The following MFHAS1 variants were observed in gnomAD, a reference collection of about 807,000 sequenced individuals.
The protein encoded by MFHAS1 is malignant fibrous histiocytoma-amplified sequence 1.
MFHAS1 carries 50 observed loss-of-function variants against 70.4 expected under a neutral mutation model. The ratio of observed to expected loss-of-function variants is 0.71; its 90% CI spans 0.57 to 0.90. The LOEUF is 0.90. Ranked by LOEUF, MFHAS1 falls within the 40% of genes least tolerant of loss-of-function variation. The pLI, the probability that MFHAS1 is intolerant of heterozygous loss-of-function variation, is 0.00. For missense variants in MFHAS1, 1,795 were observed against 1,347.6 expected, an observed-to-expected ratio of 1.33 and a Z score of -5.20; for synonymous variants, 952 against 620.0, an observed-to-expected ratio of 1.54 and a Z score of -7.96.
chr8:8,834,348 G>A (rs2116841090), intron 1 of MFHAS1, among the ~76,000 whole-genome samples: 1 of 152,246 alleles, frequency 6.6e-6, no homozygotes, highest in South Asian at 2.1e-4. Context: ...CTACAGTAAT[G>A]TGCAGTAATG....
intron 1 of MFHAS1, among the ~76,000 whole-genome samples, chr8:8,809,521 G>A (rs1018037137): frequency 2.6e-5 from 4 of 152,138 alleles, no homozygotes; most frequent in Admixed American, 6.5e-5. Context: ...GCCTCTTCCC[G>A]CCACTCACTC....
chr8:8,886,209 G>A (rs1444612280), intron 1 of MFHAS1, among the ~76,000 whole-genome samples: 2 of 151,504 alleles, frequency 1.3e-5, no homozygotes, highest in African/African-American at 4.9e-5. Flanking sequence ...TTAAGAGACA[G>A]GGTCAGAGTG....
chr8:8,803,049 T>C (rs1299408896), intron 1 of MFHAS1, among the ~76,000 whole-genome samples: 1 of 152,094 alleles, frequency 6.6e-6, no homozygotes, highest in African/African-American at 2.4e-5. Context: ...CCACATATAC[T>C]CTTAAGGGGT....
chr8:8,841,952 A>G (rs1228090137), intron 1 of MFHAS1, among the ~76,000 whole-genome samples: 1 of 152,128 alleles, frequency 6.6e-6, no homozygotes, highest in Admixed American at 6.5e-5. Context: ...AGAAATAAAA[A>G]CCCCTACTCA....
At chr8:8,830,665 TGA>T (rs1807352103) in intron 1 of MFHAS1, among the ~76,000 whole-genome samples, 3 of 152,222 alleles carry the variant, frequency 2.0e-5, no homozygotes, top group Non-Finnish European at 2.9e-5. Context: ...TGCAGTGGTG[TGA>T]TCTTGGCTCA....
intron 1 of MFHAS1, among the ~76,000 whole-genome samples, chr8:8,825,694 T>G (rs368626081): frequency 1.3e-5 from 2 of 152,190 alleles, no homozygotes; most frequent in Non-Finnish European, 2.9e-5. Context: ...AATGACCTCA[T>G]TGAACCATAA....
At chr8:8,848,774 C>T (rs1049031608) in intron 1 of MFHAS1, among the ~76,000 whole-genome samples, 2 of 152,282 alleles carry the variant, frequency 1.3e-5, no homozygotes, top group African/African-American at 2.4e-5. Flanking sequence ...GGCAAGCAGT[C>T]GGCCCACAGG....
At chr8:8,805,111 G>A (rs528055536) in intron 1 of MFHAS1, among the ~76,000 whole-genome samples, 1 of 152,126 alleles carries the variant, frequency 6.6e-6, no homozygotes, top group Admixed American at 6.6e-5. Context: ...AGATCACAAC[G>A]GCCCTTCCAA....
rs78583949 is a variant in MFHAS1, at chr8:8,873,745, G to C, written c.2998+16316C>G. ...CGCAGCGCGGGAAGATTTTTGTTTA[G>C]AAAACAGATGGGACAGAAAGGCAGA... On this transcript the variant is annotated intron_variant, in intron 1 of 2. Transcript: ENST00000276282. Among the ~76,000 whole-genome samples the C allele has an allele frequency of 7.0e-3, 1,063 of 152,254 alleles. 17 individuals carry two copies. Among genetic ancestry groups the C allele is most frequent in the African/African-American group, 0.025 (1,024 of 41,556 alleles).
At chr8:8,830,449 T>A (rs544910915) in intron 1 of MFHAS1, among the ~76,000 whole-genome samples, 1 of 152,250 alleles carries the variant, frequency 6.6e-6, no homozygotes, top group Non-Finnish European at 1.5e-5. Flanking sequence ...AAAGAGAAAA[T>A]CACTCATAAT....
chr8:8,832,425 TCACACACACACA>T (rs35913215), intron 1 of MFHAS1, among the ~76,000 whole-genome samples: 2 of 143,604 alleles, frequency 1.4e-5, no homozygotes, highest in Non-Finnish European at 3.0e-5. Context: ...ACAAGATACT[TCACACACACACA>T]CACACACACA....
At chr8:8,865,713 T>C (rs1439471146) in intron 1 of MFHAS1, among the ~76,000 whole-genome samples, 2 of 152,274 alleles carry the variant, frequency 1.3e-5, no homozygotes, top group African/African-American at 4.8e-5. Context: ...AATTATTATC[T>C]GAACTGAGTT....
At chr8:8,835,438 G>A (rs1006424663) in intron 1 of MFHAS1, among the ~76,000 whole-genome samples, 1 of 152,022 alleles carries the variant, frequency 6.6e-6, no homozygotes, top group African/African-American at 2.4e-5. Flanking sequence ...TCATGCAGCC[G>A]CCATCTCAGT....
At chr8:8,803,800 C>T (rs1806171165) in intron 1 of MFHAS1, among the ~76,000 whole-genome samples, 2 of 151,848 alleles carry the variant, frequency 1.3e-5, no homozygotes, top group South Asian at 4.2e-4. Flanking sequence ...GGTGGAACCT[C>T]GGCTCTACTA....
rs557988257 is a variant in MFHAS1 at position 8,783,717 on chromosome 8, C to T, written c.*2305G>A. 2 of 152,272 alleles carry T rather than the reference C, an allele frequency of 1.3e-5. No individual in the cohort carries two copies. The highest frequency in any genetic ancestry group is 4.2e-4 in the South Asian group (2 of 4,816). 9.4% of individuals were successfully genotyped at this position (152,272 alleles called of 1,614,324 possible). The stretch of plus-strand genomic sequence containing the variant: ...AGGGACGCCTTGCTTAGAAAACATT[C>T]CTCTTGTGCTTAGTGAATCACCTAT... On this transcript the variant is annotated 3_prime_UTR_variant, in exon 3 of 3. Transcript: ENST00000276282.
intron 2 of MFHAS1, among the ~76,000 whole-genome samples, chr8:8,794,832 T>G (rs1053937616): frequency 6.6e-6 from 1 of 152,316 alleles, no homozygotes; most frequent in African/African-American, 2.4e-5. Flanking sequence ...TCTGGCGCCA[T>G]GTACCGCCGC....
At chr8:8,853,572 C>T (rs75213691) in intron 1 of MFHAS1, among the ~76,000 whole-genome samples, 3,781 of 151,460 alleles carry the variant, frequency 0.025, 163 homozygotes, top group African/African-American at 0.087. Flanking sequence ...GTCCTAGCTA[C>T]GTATATATAT....
Position 8,834,608 on chromosome 8 carries a change from C to A in MFHAS1, c.2999-37117G>T, listed in dbSNP as rs552789226. Among the ~76,000 whole-genome samples, 89 of 152,306 alleles carry A rather than the reference C, an allele frequency of 5.8e-4. 1 individual carries two copies. The highest frequency in any genetic ancestry group is 3.4e-3 in the Middle Eastern group (1 of 294). ...CTATTCTAGGAGCAACAGGCTTGAC[C>A]ATATAGCCTAGGTGCATAATAGGTT... On this transcript the variant is annotated intron_variant, in intron 1 of 2. Transcript: ENST00000276282.
rs1810159546 is a variant in MFHAS1, at chr8:8,893,087, C to T, written c.-29G>A. On this transcript the variant is annotated 5_prime_UTR_variant, in exon 1 of 3. Transcript: ENST00000276282. ...GGGGCCCCGGGCCGACAGCCTCACG[C>T]GGACGCGGGAGCCCGCAGCTACATG... 7 of 1,428,614 alleles carry T rather than the reference C, an allele frequency of 4.9e-6. No homozygotes were observed. Among genetic ancestry groups the T allele is most frequent in the Non-Finnish European group, 6.4e-6 (7 of 1,095,660 alleles). 88.5% of individuals were successfully genotyped at this position (1,428,614 alleles called of 1,614,324 possible). A position where few individuals can be genotyped will look rare whatever the true frequency, so the allele number is the denominator to read the frequency against.
Sources: allele counts gnomAD v4.1 joint callset (sites outside exome capture counted in the v4.1 genomes callset), GRCh38; gene constraint gnomAD v4.1.1; transcripts MANE v1.5; gene names NCBI Gene and HGNC (gene_info 2026-07-23, HGNC 2026-07-21).